Variants in CACNA1H observed in about 807,000 individuals in gnomAD.
The protein encoded by CACNA1H is voltage-dependent T-type calcium channel subunit alpha-1H.
Under a neutral mutation model 192.5 loss-of-function variants are expected in CACNA1H, and 149 were observed. The ratio of observed to expected loss-of-function variants is 0.77; its 90% CI spans 0.68 to 0.89. The LOEUF (loss-of-function observed/expected upper bound fraction) is 0.89. Ranked by LOEUF, CACNA1H falls within the 40% of genes least tolerant of loss-of-function variation. The probability of loss-of-function intolerance (pLI) is 0.00; values close to 1 mark genes in which losing one functional copy is unlikely to be tolerated. For missense variants in CACNA1H, 4,257 were observed against 3,423.5 expected (o/e 1.24, Z -6.08); for synonymous variants, 2,202 against 1,475.2 (o/e 1.49, Z -11.29).
chr16:1,188,630 G>A (rs985188580), intron 2 of CACNA1H, among the ~76,000 whole-genome samples: 1 of 152,336 alleles, frequency 6.6e-6, no homozygotes, highest in African/African-American at 2.4e-5. Flanking sequence ...GCGCCCAGGG[G>A]CCGGGAGAAA....
chr16:1,168,206 G>A (rs748084079), intron 2 of CACNA1H, among the ~76,000 whole-genome samples: 43 of 151,698 alleles, frequency 2.8e-4, no homozygotes, highest in African/African-American at 4.4e-4. Flanking sequence ...CCCCCCCCAA[G>A]TGACAGTTTC....
At position 1,198,631 on chromosome 16, in the gene CACNA1H, C is replaced by T. The variant is rs780039545; in HGVS notation, c.660C>T (p.Val220=). The change falls in exon 6 of 35, where the codon GTC becomes GTT. Residue 220 remains valine (V), a synonymous_variant. Coordinates refer to ENST00000348261, the MANE Select transcript of CACNA1H (RefSeq NM_021098.3). ...INRVPSMRIL[V]TLLLDTLPML... is the part of the protein sequence containing the mutation. The stretch of plus-strand genomic sequence containing the variant: ...TGCCCACAGGCATGCGGATCCTGGT[C>T]ACTCTGCTGCTGGATACGCTGCCCA... 4 of 1,613,184 alleles carry T rather than the reference C, an allele frequency of 2.5e-6. No individual in the cohort carries two copies. The highest frequency in any genetic ancestry group is 3.4e-6 in the Non-Finnish European group (4 of 1,179,626).
At chr16:1,201,407 G>A (rs1046338337) in intron 8 of CACNA1H, among the ~76,000 whole-genome samples, 1 of 152,156 alleles carries the variant, frequency 6.6e-6, no homozygotes, top group Admixed American at 6.5e-5. Context: ...TAAAGGAGGG[G>A]CCGAGCCACA....
At chr16:1,184,278 C>G (rs1016824743) in intron 2 of CACNA1H, among the ~76,000 whole-genome samples, 3 of 152,280 alleles carry the variant, frequency 2.0e-5, no homozygotes, top group African/African-American at 7.2e-5. Flanking sequence ...GCACTGAGTC[C>G]TTGAAAGCTT....
At chr16:1,185,075 C>G (rs1220284885) in intron 2 of CACNA1H, among the ~76,000 whole-genome samples, 1 of 152,238 alleles carries the variant, frequency 6.6e-6, no homozygotes, top group Non-Finnish European at 1.5e-5. Flanking sequence ...CCCGCTTTGT[C>G]TCTGGGTTTG....
intron 2 of CACNA1H, among the ~76,000 whole-genome samples, chr16:1,164,820 G>A (rs1383284478): frequency 6.6e-6 from 1 of 152,216 alleles, no homozygotes; most frequent in Non-Finnish European, 1.5e-5. Flanking sequence ...TTGGGGTGGA[G>A]GGCGGCTGTC....
At position 1,211,231 on chromosome 16, in the gene CACNA1H, C is replaced by A. The variant is rs371310397; in HGVS notation, c.4287C>A (p.Pro1429=). Residue 1429 remains proline, a synonymous_variant, in exon 22 of 35, where the codon CCC becomes CCA. Transcript: ENST00000348261. ...AGACGCTGATATCATCACTCAGGCC[C>A]ATTGGGAACATCGTCCTCATCTGCT... ...VVETLISSLR[P]IGNIVLICCA... The A allele has an allele frequency of 9.4e-5, 151 of 1,612,990 alleles. No individual in the cohort carries two copies. The highest frequency in any genetic ancestry group is 1.1e-4 in the Non-Finnish European group (127 of 1,179,772).
chr16:1,153,696 C>A, intron 1 of CACNA1H, 24 bp from the exon 2 acceptor site: 1 of 1,184,148 alleles, frequency 8.4e-7, no homozygotes, highest in Non-Finnish European at 1.0e-6. Context: ...CCACCGGCCC[C>A]GGGTCACCCC....
chr16:1,200,952 G>C, intron 8 of CACNA1H, 144 bp downstream of exon 8: 1 of 681,272 alleles, frequency 1.5e-6, no homozygotes, highest in Non-Finnish European at 2.6e-6. Context: ...GAGCTTGCGG[G>C]GGTGGGGAGG....
rs967862125 is a variant in CACNA1H at position 1,221,276 on chromosome 16, G to A, written c.*282G>A. On this transcript the variant is annotated 3_prime_UTR_variant, in exon 35 of 35. Transcript: ENST00000348261. ...TCAGCCTCCCGTCAGGAGAGAAGCC[G>A]CGTCTGTGGGACGAAGACCGGGCAC... The A allele has an allele frequency of 1.4e-5, 6 of 442,380 alleles. No homozygotes were observed. Among genetic ancestry groups the A allele is most frequent in the Non-Finnish European group, 2.0e-5 (5 of 251,886 alleles). The allele number at this position is 442,380 out of a possible 1,614,324, so 27.4% of individuals were successfully genotyped here.
chr16:1,206,315 G>T (rs377181514), intron 12 of CACNA1H, 26 bp downstream of exon 12: 1 of 1,536,214 alleles, frequency 6.5e-7, no homozygotes, highest in Non-Finnish European at 8.8e-7. Flanking sequence ...CTCCCGGCCC[G>T]CCCAGTGTCT....
Position 1,209,166 on chromosome 16 carries a change from G to C in CACNA1H, c.3498G>C (p.Leu1166=). ...RRGQCGERES[L]LSGEGKGSTD... Reference sequence around the variant, plus strand: ...GCCAGTGTGGGGAACGTGAGTCCCTGCTGTCTGGCGAGGGCAAGGGCAGCA... The same window carrying C: ...GCCAGTGTGGGGAACGTGAGTCCCTCCTGTCTGGCGAGGGCAAGGGCAGCA... The change falls in exon 17 of 35, where the codon CTG becomes CTC. Residue 1166 remains leucine (L), a synonymous_variant. Transcript: ENST00000348261. 6.4e-7 allele frequency: 1 copy of C among 1,552,958 alleles called. No homozygotes were observed. Among genetic ancestry groups the C allele is most frequent in the South Asian group, 1.2e-5 (1 of 84,202 alleles).
chr16:1,218,978 G>T lies in CACNA1H; in HGVS notation c.5896G>T (p.Ala1966Ser), dbSNP rs1238530789. The T allele has an allele frequency of 6.5e-7, 1 of 1,550,178 alleles. No homozygotes were observed. Among genetic ancestry groups the T allele is most frequent in the Admixed American group, 2.0e-5 (1 of 50,984 alleles). ...ATTCTTCCCTGCCCCAGGCTCCGTT[G>T]CCTCTGTGCACTCTCCGCCCGCAGA... ...YGAGTPLGSV[A>S]SVHSPPAESC... The change falls in exon 34 of 35, where the codon GCC becomes TCC. Residue 1966 changes from alanine (A) to serine (S), a missense_variant. Transcript: ENST00000348261.
intron 2 of CACNA1H, among the ~76,000 whole-genome samples, chr16:1,190,141 C>T (rs1208442496): frequency 6.6e-6 from 1 of 152,234 alleles, no homozygotes; most frequent in Non-Finnish European, 1.5e-5. Context: ...TGCGCCACTG[C>T]CCGGCCCTTC....
Position 1,204,263 on chromosome 16 carries a change from A to G in CACNA1H, c.2256A>G (p.Pro752=). The G allele has an allele frequency of 6.2e-7, 1 of 1,608,584 alleles. No individual in the cohort carries two copies. The highest frequency in any genetic ancestry group is 8.5e-7 in the Non-Finnish European group (1 of 1,177,840). ...GACCACCCCGTGCGACGGACACACC[A>G]GGCCCAGGCCCAGGCAGCCCCCAGC... ...PTRPPRATDT[P]GPGPGSPQRR... is the part of the protein sequence containing the mutation. Residue 752 remains proline, a synonymous_variant, in exon 10 of 35, where the codon CCA becomes CCG. Transcript: ENST00000348261.
intron 2 of CACNA1H, among the ~76,000 whole-genome samples, chr16:1,184,322 C>T (rs758126195): frequency 1.2e-4 from 18 of 152,226 alleles, no homozygotes; most frequent in Non-Finnish European, 2.2e-4. Flanking sequence ...GGCCAGAGGC[C>T]GGACTGTGGA....
In CACNA1H at chr16:1,163,781, G is replaced by A. The variant is rs977717215; in HGVS notation, c.299+9745G>A. Among the ~76,000 whole-genome samples, 24 of 152,230 alleles carry A rather than the reference G, an allele frequency of 1.6e-4. 1 individual carries two copies. Among genetic ancestry groups the A allele is most frequent in the Non-Finnish European group, 2.5e-4 (17 of 68,038 alleles). ...AGCCCACTGGGCCACGGGCTCTTGT[G>A]CCAGTGCTGACCTCACACTTGGGTG... On this transcript the variant is annotated intron_variant, in intron 2 of 34. Transcript: ENST00000348261.
rs987186739 is a variant in CACNA1H at position 1,207,918 on chromosome 16, G to A, written c.3154+58G>A. On this transcript the variant is annotated intron_variant, in intron 15 of 34. Coordinates refer to ENST00000348261, the MANE Select transcript of CACNA1H (RefSeq NM_021098.3). ...GCGGGTGGAGTACGCTGGGCTGGCC[G>A]GGCAGGGCCCCCATAAGGCAATCCC... 45 of 1,542,062 alleles carry A rather than the reference G, an allele frequency of 2.9e-5. 1 individual carries two copies. The highest frequency in any genetic ancestry group is 3.4e-4 in the Middle Eastern group (2 of 5,966).
At chr16:1,213,378 AG>A (rs1185127276) in intron 26 of CACNA1H, among the ~76,000 whole-genome samples, 1 of 152,076 alleles carries the variant, frequency 6.6e-6, no homozygotes, top group African/African-American at 2.4e-5. Context: ...CCAACTTGGG[AG>A]CTCCAGGGGG....
Sources: allele counts gnomAD v4.1 joint callset (sites outside exome capture counted in the v4.1 genomes callset), GRCh38; gene constraint gnomAD v4.1.1; transcripts MANE v1.5; gene names NCBI Gene and HGNC (gene_info 2026-07-23, HGNC 2026-07-21).